Variants in TMEM132C observed in about 807,000 individuals in gnomAD.
TMEM132C encodes the protein protein phosphatase 1, regulatory subunit 152.
Under a neutral mutation model 61.4 loss-of-function variants are expected in TMEM132C, and 29 were observed. The observed-to-expected ratio is 0.47, with a 90% CI of 0.35 to 0.64. The LOEUF (loss-of-function observed/expected upper bound fraction) is 0.64, where lower values mean the gene tolerates loss of function less well. TMEM132C is among the 30% of genes least tolerant of loss of function. TMEM132C has a pLI of 0.00. For synonymous variants in TMEM132C, 656 were observed against 633.1 expected (o/e 1.04, Z -0.54); for missense variants, 1,408 against 1,476.9 (o/e 0.95, Z 0.76).
chr12:128,581,934 T>C (rs964392310), intron 3 of TMEM132C, among the ~76,000 whole-genome samples: 1 of 152,132 alleles, frequency 6.6e-6, no homozygotes, highest in South Asian at 2.1e-4. Flanking sequence ...GCCAAACAAG[T>C]GGCTTCAGCT....
intron 2 of TMEM132C, among the ~76,000 whole-genome samples, chr12:128,495,757 G>A (rs2136104399): frequency 6.6e-6 from 1 of 152,194 alleles, no homozygotes; most frequent in South Asian, 2.1e-4. Flanking sequence ...CCTGAATACA[G>A]CACACTGATG....
chr12:128,543,879 A>G, intron 2 of TMEM132C, 78 bp from the exon 3 acceptor site: 2 of 1,484,764 alleles, frequency 1.3e-6, no homozygotes, highest in South Asian at 2.7e-5. Context: ...TAAAGGTGAC[A>G]ACTCTGCAGA....
Position 128,326,464 on chromosome 12 carries a change from T to C in TMEM132C, c.85+58977T>C, listed in dbSNP as rs576133521. 3.9e-5 allele frequency among the ~76,000 whole-genome samples: 6 copies of C among 152,332 alleles called. No individual in the cohort carries two copies. The highest frequency in any genetic ancestry group is 7.3e-5 in the Non-Finnish European group (5 of 68,032). ...GTTCAGATATCTTTGCAAAGGCAGA[T>C]GTACAAATCATCCTGGTTCTCCAGA... is the stretch of plus-strand genomic sequence containing the variant. On this transcript the variant is annotated intron_variant, in intron 1 of 8. Coordinates refer to ENST00000435159, the MANE Select transcript of TMEM132C (RefSeq NM_001136103.3). This position sits in a 1 kb window ranked among gnomAD's most constrained non-coding sequence, Gnocchi z 5.6.
chr12:128,401,354 C>A (rs771812945), intron 1 of TMEM132C, among the ~76,000 whole-genome samples: 23 of 151,966 alleles, frequency 1.5e-4, no homozygotes, highest in Admixed American at 3.9e-4. Flanking sequence ...TAATTAAAAA[C>A]AAATCAGTAT....
In TMEM132C at chr12:128,523,811, G is replaced by GAA. The variant is rs1555229605; in HGVS notation, c.975-20130_975-20129dup. ...GCCCAGGAATTACAGACAAGCCCAG[G>GAA]AAAAAAAAAAAAAAAAAGAGACCCT... On this transcript the variant is annotated intron_variant, in intron 2 of 8. Transcript: ENST00000435159. 7.9e-4 allele frequency among the ~76,000 whole-genome samples: 79 copies of GAA among 100,104 alleles called. 1 individual carries two copies. Among genetic ancestry groups the GAA allele is most frequent in the African/African-American group, 2.6e-3 (77 of 29,424 alleles). 65.7% of individuals were successfully genotyped at this position (100,104 alleles called of 152,430 possible). A position where few individuals can be genotyped will look rare whatever the true frequency, so the allele number is the denominator to read the frequency against.
At chr12:128,334,537 C>G (rs73434626) in intron 1 of TMEM132C, among the ~76,000 whole-genome samples, 6,157 of 152,132 alleles carry the variant, frequency 0.04, 436 homozygotes, top group African/African-American at 0.14. Context: ...AAAATCTTAA[C>G]CTACTTGAGT....
chr12:128,631,788 A>G (rs1348328030), intron 4 of TMEM132C, among the ~76,000 whole-genome samples: 1 of 152,094 alleles, frequency 6.6e-6, no homozygotes, highest in African/African-American at 2.4e-5. Flanking sequence ...TCCCAAAGGT[A>G]GTTCCTGGCA....
At chr12:128,411,964 A>G (rs1333948653) in intron 1 of TMEM132C, among the ~76,000 whole-genome samples, 1 of 152,212 alleles carries the variant, frequency 6.6e-6, no homozygotes, top group Non-Finnish European at 1.5e-5. Context: ...ACTTGATAAG[A>G]AATATACAGA....
intron 3 of TMEM132C, among the ~76,000 whole-genome samples, chr12:128,556,435 T>C (rs908582278): frequency 2.6e-5 from 4 of 152,218 alleles, no homozygotes; most frequent in Non-Finnish European, 5.9e-5. Flanking sequence ...ATTTCCACTA[T>C]ACAGTGAGTA....
intron 3 of TMEM132C, among the ~76,000 whole-genome samples, chr12:128,568,483 C>T (rs1028084472): frequency 1.3e-5 from 2 of 152,152 alleles, no homozygotes; most frequent in Non-Finnish European, 2.9e-5. Flanking sequence ...CTGTACTTGC[C>T]GTGGACTGGG....
chr12:128,535,836 C>G (rs1873505393), intron 2 of TMEM132C, among the ~76,000 whole-genome samples: 2 of 150,800 alleles, frequency 1.3e-5, no homozygotes, highest in Admixed American at 1.3e-4. Context: ...CCACTGCACT[C>G]CAGCCTGGGT....
chr12:128,297,043 A>G (rs773369196), intron 1 of TMEM132C, among the ~76,000 whole-genome samples: 2 of 152,006 alleles, frequency 1.3e-5, no homozygotes, highest in South Asian at 2.1e-4. Flanking sequence ...AATTCCGTCA[A>G]ATGGTCTTTT....
chr12:128,526,339 C>A (rs575235133), intron 2 of TMEM132C, among the ~76,000 whole-genome samples: 7 of 152,290 alleles, frequency 4.6e-5, no homozygotes, highest in African/African-American at 9.6e-5. Context: ...AGTGAAGGTA[C>A]CTTCCTGGTT....
At chr12:128,406,443 G>T (rs1875347542) in intron 1 of TMEM132C, among the ~76,000 whole-genome samples, 1 of 152,114 alleles carries the variant, frequency 6.6e-6, no homozygotes, top group Non-Finnish European at 1.5e-5. Flanking sequence ...AACCAAACAT[G>T]CACACAAACA....
At chr12:128,698,594 G>A (rs1277716962) in intron 8 of TMEM132C, among the ~76,000 whole-genome samples, 1 of 152,232 alleles carries the variant, frequency 6.6e-6, no homozygotes, top group African/African-American at 2.4e-5. Flanking sequence ...GCTAAAAACA[G>A]TGGCTGGCAC....
chr12:128,614,904 G>A (rs2135582898), intron 3 of TMEM132C, among the ~76,000 whole-genome samples: 1 of 152,304 alleles, frequency 6.6e-6, no homozygotes, highest in East Asian at 1.9e-4. Flanking sequence ...CCTCTGCAGA[G>A]GACTGTTGTG....
At chr12:128,681,066 A>G (rs189005259) in intron 5 of TMEM132C, among the ~76,000 whole-genome samples, 2 of 152,166 alleles carry the variant, frequency 1.3e-5, no homozygotes, top group African/African-American at 2.4e-5. Context: ...CTCCTGCCAG[A>G]TCCTATCATT....
intron 2 of TMEM132C, among the ~76,000 whole-genome samples, chr12:128,423,667 C>T (rs1421585699): frequency 6.6e-6 from 1 of 151,866 alleles, no homozygotes; most frequent in Non-Finnish European, 1.5e-5. Flanking sequence ...CCCAGGAGTT[C>T]AAGTCCAGCC....
At chr12:128,348,311 A>C (rs1370997809) in intron 1 of TMEM132C, among the ~76,000 whole-genome samples, 4 of 152,220 alleles carry the variant, frequency 2.6e-5, no homozygotes, top group Non-Finnish European at 5.9e-5. Flanking sequence ...ATTCAAGTGT[A>C]AGCTGTAATT....
Sources: gnomAD v4.1 joint callset for allele counts (sites outside exome capture counted in the v4.1 genomes callset) on GRCh38, gnomAD v4.1.1 for gene constraint, Gnocchi (gnomAD v3.1) non-coding constraint, MANE v1.5 for transcripts, NCBI Gene and HGNC (gene_info 2026-07-23, HGNC 2026-07-21) for gene names.